Variants in JARID2 observed in about 807,000 individuals in gnomAD.
JARID2 encodes the protein jumonji and AT-rich interaction domain containing 2, also known as protein Jumonji.
In JARID2, 21 loss-of-function variants were observed where a neutral mutation model predicts 125.6. That is an observed-to-expected ratio of 0.17 (90% CI 0.12 to 0.24). The LOEUF (loss-of-function observed/expected upper bound fraction) is 0.24. Among genes scored for constraint, JARID2 ranks in the 10% least tolerant of loss-of-function variants. The pLI, the probability that JARID2 is intolerant of heterozygous loss-of-function variation, is 1.00. For synonymous variants in JARID2, 736 were observed against 661.6 expected (o/e 1.11, Z -1.73); for missense variants, 1,303 against 1,639.6 (o/e 0.79, Z 3.55).
chr6:15,351,202 T>C (rs966579708), intron 1 of JARID2, among the ~76,000 whole-genome samples: 3 of 152,132 alleles, frequency 2.0e-5, no homozygotes, highest in African/African-American at 7.2e-5. Flanking sequence ...GATTAGTAGG[T>C]GAGCCAAGCA....
At chr6:15,383,004 G>A (rs1764649795) in intron 2 of JARID2, among the ~76,000 whole-genome samples, 1 of 152,140 alleles carries the variant, frequency 6.6e-6, no homozygotes, top group Non-Finnish European at 1.5e-5. Context: ...TAGGGCTATA[G>A]GGCGGAGGAG....
At chr6:15,514,517 C>T (rs1379562539) in intron 16 of JARID2, among the ~76,000 whole-genome samples, 3 of 152,194 alleles carry the variant, frequency 2.0e-5, no homozygotes, top group African/African-American at 7.2e-5. Flanking sequence ...AGGACTGAGA[C>T]CCGGGTCGAC....
chr6:15,294,229 G>GC (rs1761326307), intron 1 of JARID2, among the ~76,000 whole-genome samples: 1 of 152,144 alleles, frequency 6.6e-6, no homozygotes, highest in Non-Finnish European at 1.5e-5. Context: ...TTGCTCTGTT[G>GC]CCAGGCTGGC....
intron 1 of JARID2, among the ~76,000 whole-genome samples, chr6:15,285,701 A>G (rs1244150338): frequency 1.3e-5 from 2 of 152,206 alleles, no homozygotes; most frequent in African/African-American, 4.8e-5. Context: ...AAACGAGGTT[A>G]GAGGATAACA....
Position 15,246,526 on chromosome 6 carries a change from A to T in JARID2, c.-14A>T. 2 of 1,612,328 alleles carry T rather than the reference A, an allele frequency of 1.2e-6. No homozygotes were observed. The highest frequency in any genetic ancestry group is 1.7e-6 in the Non-Finnish European group (2 of 1,178,618). ...GCAATTGTCCCCTTTTGCAATCAGC[A>T]TTTGGATCTCAGAATGAGCAAGGAA... On this transcript the variant is annotated 5_prime_UTR_variant, in exon 1 of 18. Transcript: ENST00000341776.
chr6:15,518,450 A>G (rs1203003831), intron 17 of JARID2, among the ~76,000 whole-genome samples: 3 of 152,218 alleles, frequency 2.0e-5, no homozygotes, highest in Non-Finnish European at 4.4e-5. Flanking sequence ...GTAGTTCAGT[A>G]AGCATGTCTG....
chr6:15,355,595 ATTCC>A (rs1250564335), intron 1 of JARID2, among the ~76,000 whole-genome samples: 58 of 148,984 alleles, frequency 3.9e-4, no homozygotes, highest in African/African-American at 1.2e-3. Context: ...TCCTTAGTGC[ATTCC>A]TTCCTTCCTT....
At chr6:15,430,494 A>G (rs1183755796) in intron 3 of JARID2, among the ~76,000 whole-genome samples, 2 of 152,156 alleles carry the variant, frequency 1.3e-5, no homozygotes, top group Non-Finnish European at 2.9e-5. Flanking sequence ...GCCTTTTGAG[A>G]TGTTGCTTCT....
intron 3 of JARID2, among the ~76,000 whole-genome samples, chr6:15,415,538 CCTCCCGGGCAGAGGCGCCCCTCA>C (rs1766119872): frequency 7.9e-6 from 1 of 126,760 alleles, no homozygotes; most frequent in Non-Finnish European, 1.7e-5. Flanking sequence ...GCGCCCCTCA[CCTCCCGGGCAGAGGCGCCCCTCA>C]CCTCCCGGAC....
At chr6:15,473,836 T>G (rs1769212643) in intron 5 of JARID2, among the ~76,000 whole-genome samples, 1 of 152,176 alleles carries the variant, frequency 6.6e-6, no homozygotes, top group Non-Finnish European at 1.5e-5. Context: ...AGTGCTTCCT[T>G]ATGACGCCAG....
At chr6:15,465,812 TTG>T (rs1768700731) in intron 4 of JARID2, among the ~76,000 whole-genome samples, 1 of 150,164 alleles carries the variant, frequency 6.7e-6, no homozygotes, top group African/African-American at 2.5e-5. Context: ...GTTTGTTTGT[TTG>T]TTTTTTTGAG....
intron 4 of JARID2, among the ~76,000 whole-genome samples, chr6:15,458,677 T>C (rs1581593170): frequency 6.6e-6 from 1 of 152,108 alleles, no homozygotes; most frequent in African/African-American, 2.4e-5. Flanking sequence ...AATGCTGGGA[T>C]AGAAGTGTGT....
intron 3 of JARID2, among the ~76,000 whole-genome samples, chr6:15,430,001 A>C: frequency 6.6e-6 from 1 of 152,112 alleles, no homozygotes; most frequent in East Asian, 1.9e-4. Flanking sequence ...AGCCCTCTCT[A>C]ATTAGTCATG....
chr6:15,416,022 G>A (rs1190342894), intron 3 of JARID2, among the ~76,000 whole-genome samples: 82 of 151,768 alleles, frequency 5.4e-4, no homozygotes, highest in African/African-American at 1.8e-3. Flanking sequence ...GTCATGGCCC[G>A]GTAGAGGCGC....
intron 1 of JARID2, among the ~76,000 whole-genome samples, chr6:15,365,567 G>A (rs567238055): frequency 1.3e-5 from 2 of 151,820 alleles, no homozygotes; most frequent in African/African-American, 2.4e-5. Flanking sequence ...TCAGAGTTGT[G>A]TTATGCAATA....
Position 15,496,989 on chromosome 6 carries a change from G to A in JARID2, c.1764G>A (p.Arg588=), listed in dbSNP as rs916253337. 1.9e-6 allele frequency: 3 copies of A among 1,614,042 alleles called. No individual in the cohort carries two copies. The highest frequency in any genetic ancestry group is 2.5e-6 in the Non-Finnish European group (3 of 1,179,966). The change falls in exon 7 of 18, where the codon AGG becomes AGA. Residue 588 remains arginine (R), a synonymous_variant. Coordinates refer to ENST00000341776, the MANE Select transcript of JARID2 (RefSeq NM_004973.4). ...AGGTGGAGAAGTTCGGGATGTGCAG[G>A]GTGATCCCCCCTCCGGACTGGCGGC... ...RAQVEKFGMC[R]VIPPPDWRPE...
intron 3 of JARID2, among the ~76,000 whole-genome samples, chr6:15,411,815 T>A (rs907376075): frequency 6.6e-6 from 1 of 152,224 alleles, no homozygotes. Flanking sequence ...CCCACTCCTT[T>A]AGCTATGTGG....
At chr6:15,487,252 T>G in intron 5 of JARID2, 55 bp from the exon 6 acceptor site, 1 of 1,435,604 alleles carries the variant, frequency 7.0e-7, no homozygotes, top group South Asian at 1.2e-5. Flanking sequence ...ATCAGTAGTT[T>G]GCGTGGTAGT....
chr6:15,385,707 G>A (rs1764759773), intron 2 of JARID2, among the ~76,000 whole-genome samples: 1 of 152,124 alleles, frequency 6.6e-6, no homozygotes, highest in Non-Finnish European at 1.5e-5. Context: ...CCACCTGCAT[G>A]CCACCCACGT....
Sources: gnomAD v4.1 joint callset for allele counts (sites outside exome capture counted in the v4.1 genomes callset) on GRCh38, gnomAD v4.1.1 for gene constraint, MANE v1.5 for transcripts, NCBI Gene and HGNC (gene_info 2026-07-23, HGNC 2026-07-21) for gene names.